DIAPH3: variants seen among roughly 807,000 people sequenced by gnomAD.
The protein encoded by DIAPH3 is diaphanous related formin 3, also known as protein diaphanous homolog 3.
A neutral mutation model predicts 144.3 loss-of-function variants in DIAPH3; 117 were observed. The ratio of observed to expected loss-of-function variants is 0.81; its 90% CI spans 0.70 to 0.95. DIAPH3 has a LOEUF of 0.95. Among genes scored for constraint, DIAPH3 ranks in the 40% least tolerant of loss-of-function variants. DIAPH3 has a pLI of 0.00. For synonymous variants in DIAPH3, 519 were observed against 488.9 expected (o/e 1.06, Z -0.81); for missense variants, 1,421 against 1,412.7 (o/e 1.01, Z -0.09).
intron 5 of DIAPH3, among the ~76,000 whole-genome samples, chr13:60,036,601 A>T (rs1007676245): frequency 2.0e-5 from 3 of 152,116 alleles, no homozygotes; most frequent in Non-Finnish European, 4.4e-5. Context: ...AAAAAGAGAA[A>T]AGAAATACAC....
At chr13:59,943,058 C>T (rs1304650148) in intron 17 of DIAPH3, among the ~76,000 whole-genome samples, 1 of 152,042 alleles carries the variant, frequency 6.6e-6, no homozygotes, top group Non-Finnish European at 1.5e-5. Context: ...TTAACTGTGC[C>T]GATGTAATAA....
chr13:60,070,162 T>C (rs1344230332), intron 4 of DIAPH3, among the ~76,000 whole-genome samples: 1 of 152,150 alleles, frequency 6.6e-6, no homozygotes, highest in Non-Finnish European at 1.5e-5. Context: ...ATCTCAGCAA[T>C]GTTTTGTAAT....
At chr13:59,723,211 C>T (rs1017158102) in intron 27 of DIAPH3, among the ~76,000 whole-genome samples, 2 of 152,186 alleles carry the variant, frequency 1.3e-5, no homozygotes, top group South Asian at 2.1e-4. Flanking sequence ...GCCAAGGTGT[C>T]CAGATTGTTA....
chr13:59,936,158 G>A (rs891913631), intron 17 of DIAPH3, among the ~76,000 whole-genome samples: 9 of 151,806 alleles, frequency 5.9e-5, no homozygotes, highest in African/African-American at 1.9e-4. Flanking sequence ...TTAAAGTATC[G>A]GGAAATACCT....
chr13:59,812,549 T>C (rs1352173127), intron 24 of DIAPH3, among the ~76,000 whole-genome samples: 2 of 152,108 alleles, frequency 1.3e-5, no homozygotes, highest in African/African-American at 4.8e-5. Flanking sequence ...GTGATAGCAT[T>C]CCTGAGGGGT....
intron 9 of DIAPH3, among the ~76,000 whole-genome samples, chr13:59,995,825 A>T (rs1180211048): frequency 6.6e-6 from 1 of 152,054 alleles, no homozygotes; most frequent in Non-Finnish European, 1.5e-5. Flanking sequence ...AGTTCAAAAT[A>T]AAGCAATTGC....
At chr13:60,051,616 C>CA (rs201051525) in intron 4 of DIAPH3, among the ~76,000 whole-genome samples, 2,329 of 147,694 alleles carry the variant, frequency 0.016, 26 homozygotes, top group Non-Finnish European at 0.021. Flanking sequence ...AACTCCGTCT[C>CA]AAAAAAAAAC....
chr13:59,719,724 A>G (rs2035244254), intron 27 of DIAPH3, among the ~76,000 whole-genome samples: 2 of 152,108 alleles, frequency 1.3e-5, no homozygotes, highest in Non-Finnish European at 2.9e-5. Context: ...TCCTCTCTGA[A>G]TAAAGAAATG....
intron 21 of DIAPH3, among the ~76,000 whole-genome samples, chr13:59,869,789 CGTTTTGATGG>C (rs1443586170): frequency 3.9e-5 from 6 of 152,070 alleles, no homozygotes; most frequent in Non-Finnish European, 8.8e-5. Context: ...GACACCTATA[CGTTTTGATGG>C]GTATCTCTTC....
rs574845836 is a variant in DIAPH3 at position 59,919,819 on chromosome 13, G to A, written c.2171-3570C>T. Among the ~76,000 whole-genome samples the A allele has an allele frequency of 9.2e-5, 14 of 152,030 alleles. No homozygotes were observed. In the South Asian group the frequency reaches 2.9e-3, roughly 32 times the overall value. ...TGTATCTTTAAAAGGGAGAATAGAG[G>A]ACAAAACTATTAAAATTAATAGTAA... On this transcript the variant is annotated intron_variant, in intron 18 of 27. Transcript: ENST00000400324.
intron 20 of DIAPH3, among the ~76,000 whole-genome samples, chr13:59,888,621 T>C (rs1323543498): frequency 2.0e-5 from 3 of 152,126 alleles, no homozygotes; most frequent in Non-Finnish European, 4.4e-5. Flanking sequence ...TGTTTTTTAT[T>C]ACAAATTTTC....
intron 27 of DIAPH3, among the ~76,000 whole-genome samples, chr13:59,716,069 T>C (rs1441782832): frequency 6.6e-6 from 1 of 152,240 alleles, no homozygotes; most frequent in African/African-American, 2.4e-5. Context: ...CAGTTGGTTA[T>C]GGACATGCTC....
chr13:59,950,867 A>G (rs958987832), intron 17 of DIAPH3, among the ~76,000 whole-genome samples: 1 of 152,116 alleles, frequency 6.6e-6, no homozygotes, highest in East Asian at 1.9e-4. Context: ...CAGTATAAAC[A>G]CTGCTAGAAA....
At chr13:59,997,487 G>A (rs1262906403) in intron 9 of DIAPH3, among the ~76,000 whole-genome samples, 8 of 151,994 alleles carry the variant, frequency 5.3e-5, no homozygotes, top group African/African-American at 1.7e-4. Context: ...TTGCTATTGT[G>A]AATAGTGCTG....
At chr13:60,015,851 C>CA in intron 7 of DIAPH3, 62 bp downstream of exon 7, 1 of 1,399,766 alleles carries the variant, frequency 7.1e-7, no homozygotes. Flanking sequence ...CACTTTACTG[C>CA]AACTGAAAAT....
At chr13:59,926,121 G>A (rs1213611647) in intron 17 of DIAPH3, among the ~76,000 whole-genome samples, 1 of 151,962 alleles carries the variant, frequency 6.6e-6, no homozygotes, top group Non-Finnish European at 1.5e-5. Flanking sequence ...GTGTAACTGG[G>A]ACTACAGATG....
chr13:59,779,857 G>A (rs1018639757), intron 25 of DIAPH3, among the ~76,000 whole-genome samples: 2 of 152,064 alleles, frequency 1.3e-5, no homozygotes, highest in Non-Finnish European at 2.9e-5. Flanking sequence ...TCTTCATTAG[G>A]TATAACATCA....
At chr13:60,057,228 A>G (rs2137666) in intron 4 of DIAPH3, among the ~76,000 whole-genome samples, 84,347 of 151,672 alleles carry the variant, frequency 0.56, 24,000 homozygotes, top group Admixed American at 0.61. Context: ...AATGTACACA[A>G]ATCAGTAGTA....
chr13:60,162,028 T>C (rs1952317063), intron 1 of DIAPH3, among the ~76,000 whole-genome samples: 1 of 152,224 alleles, frequency 6.6e-6, no homozygotes, highest in Non-Finnish European at 1.5e-5. Flanking sequence ...CTGGAAGTCA[T>C]GATTCATACC....
Sources: gnomAD v4.1 joint callset for allele counts (sites outside exome capture counted in the v4.1 genomes callset) on GRCh38, gnomAD v4.1.1 for gene constraint, MANE v1.5 for transcripts, NCBI Gene and HGNC (gene_info 2026-07-23, HGNC 2026-07-21) for gene names.